The following CNTN4 variants were observed in gnomAD, a reference collection of about 807,000 sequenced individuals.
CNTN4 encodes contactin-4.
Under a neutral mutation model 122.5 loss-of-function variants are expected in CNTN4, and 77 were observed. The ratio of observed to expected loss-of-function variants is 0.63; its 90% CI spans 0.52 to 0.76. The LOEUF (loss-of-function observed/expected upper bound fraction) is 0.76. Among genes scored for constraint, CNTN4 ranks in the 30% least tolerant of loss-of-function variants. CNTN4 has a pLI of 0.00. For synonymous variants in CNTN4, 512 were observed against 447.0 expected (o/e 1.15, Z -1.83); for missense variants, 1,256 against 1,259.1 (o/e 1.00, Z 0.04).
intron 7 of CNTN4, among the ~76,000 whole-genome samples, chr3:2,860,859 C>G (rs1170877191): frequency 6.6e-6 from 1 of 152,160 alleles, no homozygotes. Context: ...ACCAAACACT[C>G]TTGCCTTCTC....
chr3:2,690,815 T>C (rs919407012), intron 4 of CNTN4, among the ~76,000 whole-genome samples: 1 of 152,196 alleles, frequency 6.6e-6, no homozygotes, highest in Non-Finnish European at 1.5e-5. Context: ...ACCAATAAAG[T>C]TTTATTGCAA....
At chr3:3,053,250 G>A (rs555950464) in intron 23 of CNTN4, among the ~76,000 whole-genome samples, 1 of 152,174 alleles carries the variant, frequency 6.6e-6, no homozygotes, top group Non-Finnish European at 1.5e-5. Context: ...GGTCAGGCTG[G>A]TCTCAAACTC....
intron 2 of CNTN4, among the ~76,000 whole-genome samples, chr3:2,334,032 C>T (rs185489755): frequency 4.6e-5 from 7 of 152,208 alleles, no homozygotes; most frequent in South Asian, 4.1e-4. Context: ...TTTAAGAATA[C>T]GGACAGTTGT....
Position 2,130,479 on chromosome 3 carries a change from A to G in CNTN4, c.-145+29840A>G, listed in dbSNP as rs115361251. Among the ~76,000 whole-genome samples the G allele has an allele frequency of 9.7e-3, 1,479 of 152,266 alleles. 17 individuals carry two copies. Among genetic ancestry groups the G allele is most frequent in the Middle Eastern group, 0.014 (4 of 294 alleles). ...AGGTAATAAAATAGAATTCTTAAAC[A>G]CCCTCTAAATTAAAAAGCCAGAAGA... is the stretch of plus-strand genomic sequence containing the variant. On this transcript the variant is annotated intron_variant, in intron 2 of 24. Transcript: ENST00000418658.
intron 3 of CNTN4, among the ~76,000 whole-genome samples, chr3:2,359,167 G>C (rs929598718): frequency 3.3e-5 from 5 of 152,134 alleles, no homozygotes; most frequent in Non-Finnish European, 7.4e-5. Context: ...TGGTAACTTT[G>C]TAAGATTCGA....
In CNTN4 at chr3:2,396,656, GT is replaced by G. The variant is rs752074730; in HGVS notation, c.-89+57437del. 7.0e-3 allele frequency among the ~76,000 whole-genome samples: 1,015 copies of G among 145,074 alleles called. 13 individuals are homozygous for G. Among genetic ancestry groups the G allele is most frequent in the African/African-American group, 0.021 (836 of 39,312 alleles). On this transcript the variant is annotated intron_variant, in intron 3 of 24. Coordinates refer to ENST00000418658, the MANE Select transcript of CNTN4 (RefSeq NM_175607.3). ...TTTAAAACTCAAGTGTTATGTCTGG[GT>G]TTTTTTTTTTTTTATTAACCTCTCC... is the stretch of plus-strand genomic sequence containing the variant.
chr3:2,712,662 T>C (rs1281958530), intron 4 of CNTN4, among the ~76,000 whole-genome samples: 2 of 152,202 alleles, frequency 1.3e-5, no homozygotes, highest in African/African-American at 4.8e-5. Flanking sequence ...TTTTTCTGTA[T>C]GCTAATGTTG....
At chr3:2,671,931 ATATTG>A (rs1414956540) in intron 4 of CNTN4, among the ~76,000 whole-genome samples, 1 of 152,192 alleles carries the variant, frequency 6.6e-6, no homozygotes, top group East Asian at 1.9e-4. Context: ...TGAACAGCAA[ATATTG>A]CTGAACAGCA....
chr3:2,985,015 T>C (rs1224923076), intron 13 of CNTN4, among the ~76,000 whole-genome samples: 1 of 152,256 alleles, frequency 6.6e-6, no homozygotes, highest in Non-Finnish European at 1.5e-5. Context: ...GCAAATGAGG[T>C]ATCAGATGGT....
intron 7 of CNTN4, among the ~76,000 whole-genome samples, chr3:2,838,036 C>G (rs1377002032): frequency 6.6e-6 from 1 of 152,164 alleles, no homozygotes; most frequent in Non-Finnish European, 1.5e-5. Context: ...TGCAGAGGTT[C>G]AGGGCTAAGT....
chr3:2,905,286 C>T (rs948814155), intron 12 of CNTN4, among the ~76,000 whole-genome samples: 2 of 152,214 alleles, frequency 1.3e-5, no homozygotes, highest in Admixed American at 6.5e-5. Context: ...ATACTGCAAA[C>T]ATGGTGGCTT....
At chr3:2,723,824 AATGCCAGTAAGTACTTGGCTCTG>A (rs1286015715) in intron 4 of CNTN4, among the ~76,000 whole-genome samples, 1 of 152,200 alleles carries the variant, frequency 6.6e-6, no homozygotes, top group East Asian at 1.9e-4. Context: ...AGTGTATCAT[AATGCCAGTAAGTACTTGGCTCTG>A]ATCTTAGAAG....
At chr3:2,585,716 A>T (rs2080167562) in intron 4 of CNTN4, among the ~76,000 whole-genome samples, 1 of 151,650 alleles carries the variant, frequency 6.6e-6, no homozygotes, top group African/African-American at 2.4e-5. Context: ...TAGGGATAGC[A>T]TTAGGAGATA....
intron 2 of CNTN4, among the ~76,000 whole-genome samples, chr3:2,221,557 CAAAATT>C: frequency 7.4e-6 from 1 of 134,778 alleles, no homozygotes; most frequent in Middle Eastern, 4.0e-3. Flanking sequence ...TGCACTTTAT[CAAAATT>C]AAAAAAAATT....
At chr3:2,967,098 G>A (rs1317916042) in intron 13 of CNTN4, among the ~76,000 whole-genome samples, 1 of 152,154 alleles carries the variant, frequency 6.6e-6, no homozygotes, top group Non-Finnish European at 1.5e-5. Context: ...TGAGCATTGG[G>A]GGATCAGAGT....
At chr3:2,391,440 G>T (rs979245565) in intron 3 of CNTN4, among the ~76,000 whole-genome samples, 1 of 152,138 alleles carries the variant, frequency 6.6e-6, no homozygotes, top group Non-Finnish European at 1.5e-5. Flanking sequence ...GAGAAAGATG[G>T]AAAAGCTTTG....
At chr3:2,218,666 C>T (rs931577263) in intron 2 of CNTN4, among the ~76,000 whole-genome samples, 9 of 152,176 alleles carry the variant, frequency 5.9e-5, no homozygotes, top group African/African-American at 1.4e-4. Flanking sequence ...TTCTTACACA[C>T]GTATGTAGTA....
At chr3:2,838,710 C>G (rs796445938) in intron 7 of CNTN4, among the ~76,000 whole-genome samples, 23 of 152,304 alleles carry the variant, frequency 1.5e-4, no homozygotes, top group African/African-American at 5.3e-4. Flanking sequence ...ACTATCTGCT[C>G]TGCTTGCAGT....
rs58175047 is a variant in CNTN4, at chr3:2,321,865, C to T, written c.-144-17313C>T. On this transcript the variant is annotated intron_variant, in intron 2 of 24. Coordinates refer to ENST00000418658, the MANE Select transcript of CNTN4 (RefSeq NM_175607.3). ...TGATTTGACCTTCATTTTTACTTAA[C>T]CTTTGGTAAGTAACAGTGAGCTGCT... Among the ~76,000 whole-genome samples, 640 of 151,972 alleles carry T rather than the reference C, an allele frequency of 4.2e-3. 1 individual carries two copies. The highest frequency in any genetic ancestry group is 0.015 in the African/African-American group (607 of 41,456).
Sources: gnomAD v4.1 joint callset for allele counts (sites outside exome capture counted in the v4.1 genomes callset) on GRCh38, gnomAD v4.1.1 for gene constraint, MANE v1.5 for transcripts, NCBI Gene and HGNC (gene_info 2026-07-23, HGNC 2026-07-21) for gene names.